CALD1: variants seen among roughly 807,000 people sequenced by gnomAD.
CALD1 encodes caldesmon.
Under a neutral mutation model 99.9 loss-of-function variants are expected in CALD1, and 33 were observed. The observed-to-expected ratio is 0.33, with a 90% confidence interval of 0.25 to 0.44. The LOEUF (loss-of-function observed/expected upper bound fraction) is 0.44. Among genes scored for constraint, CALD1 ranks in the 20% least tolerant of loss-of-function variants. CALD1 has a pLI of 1.00. For synonymous variants in CALD1, 310 were observed against 325.0 expected (o/e 0.95, Z 0.50); for missense variants, 861 against 962.1 (o/e 0.89, Z 1.39).
chr7:134,901,759 C>T (rs1178942967), intron 3 of CALD1, among the ~76,000 whole-genome samples: 1 of 151,778 alleles, frequency 6.6e-6, no homozygotes, highest in East Asian at 1.9e-4. Flanking sequence ...CTTAGGCCAT[C>T]GTAACTCCAG....
chr7:134,760,523 A>G (rs1263794602), intron 1 of CALD1, among the ~76,000 whole-genome samples: 3 of 152,258 alleles, frequency 2.0e-5, no homozygotes, highest in East Asian at 1.9e-4. Context: ...AGTTTTTCCT[A>G]TTACAGTATC....
the CALD1 span, among the ~76,000 whole-genome samples, chr7:134,719,914 G>A: frequency 7.2e-5 from 11 of 152,278 alleles, no homozygotes; most frequent in Non-Finnish European, 1.3e-4. Context: ...AAAGATGCCC[G>A]CAGTGAGTGT....
intron 3 of CALD1, among the ~76,000 whole-genome samples, chr7:134,871,223 G>A (rs1206393471): frequency 2.0e-5 from 3 of 152,038 alleles, no homozygotes; most frequent in Middle Eastern, 3.2e-3. Flanking sequence ...TAAAAATGAA[G>A]GCAATTTTCT....
intron 1 of CALD1, among the ~76,000 whole-genome samples, chr7:134,749,585 C>T (rs1365173122): frequency 6.6e-6 from 1 of 152,128 alleles, no homozygotes; most frequent in Non-Finnish European, 1.5e-5. Flanking sequence ...TACACTCCAG[C>T]CTGAGCAAAA....
At chr7:134,965,737 A>G (rs1172960185) in intron 14 of CALD1, among the ~76,000 whole-genome samples, 1 of 152,076 alleles carries the variant, frequency 6.6e-6, no homozygotes, top group African/African-American at 2.4e-5. Context: ...CACTTGGGGA[A>G]AACATCTGTC....
chr7:134,944,764 C>G (rs1051009230), intron 7 of CALD1, among the ~76,000 whole-genome samples: 1 of 152,094 alleles, frequency 6.6e-6, no homozygotes, highest in Admixed American at 6.5e-5. Context: ...ATTTAAATGG[C>G]AAAGCTGTAT....
At chr7:134,728,344 G>A in the CALD1 span, among the ~76,000 whole-genome samples, 36 of 152,280 alleles carry the variant, frequency 2.4e-4, no homozygotes, top group African/African-American at 8.4e-4. Context: ...AAGATTTATG[G>A]ACAGAAAAAG....
intron 3 of CALD1, among the ~76,000 whole-genome samples, chr7:134,890,797 C>T (rs1042540205): frequency 2.6e-5 from 4 of 152,212 alleles, no homozygotes; most frequent in African/African-American, 4.8e-5. Flanking sequence ...TCAACATGTT[C>T]TCAGGAGGGC....
intron 4 of CALD1, among the ~76,000 whole-genome samples, 197 bp downstream of exon 4, chr7:134,929,097 T>C (rs2132910618): frequency 6.6e-6 from 1 of 152,328 alleles, no homozygotes; most frequent in Middle Eastern, 3.4e-3. Flanking sequence ...GGACACACTA[T>C]TCTATTTCTC....
the CALD1 span, among the ~76,000 whole-genome samples, chr7:134,714,971 C>G: frequency 6.6e-6 from 1 of 152,162 alleles, no homozygotes; most frequent in Non-Finnish European, 1.5e-5. Context: ...TACCTCAATA[C>G]CAGCTGTGGT....
intron 3 of CALD1, chr7:134,891,564 C>A: frequency 6.4e-7 from 1 of 1,568,680 alleles, no homozygotes; most frequent in Admixed American, 1.9e-5. Flanking sequence ...CCCTGACCGC[C>A]CGGCCTGGCC....
At chr7:134,952,819 C>A (rs1402246129) in intron 9 of CALD1, among the ~76,000 whole-genome samples, 3 of 152,150 alleles carry the variant, frequency 2.0e-5, no homozygotes, top group Non-Finnish European at 2.9e-5. Flanking sequence ...TGATACCTCC[C>A]AAATAAATTA....
chr7:134,869,210 G>C (rs528133808), intron 3 of CALD1, among the ~76,000 whole-genome samples: 1 of 152,104 alleles, frequency 6.6e-6, no homozygotes, highest in Non-Finnish European at 1.5e-5. Context: ...AACGGAGCCT[G>C]TCTAGGTGAA....
intron 14 of CALD1, among the ~76,000 whole-genome samples, chr7:134,967,834 G>A (rs1257560850): frequency 6.6e-6 from 1 of 152,128 alleles, no homozygotes; most frequent in Non-Finnish European, 1.5e-5. Flanking sequence ...AAAATCAGCA[G>A]AAGGAAGGCT....
At position 134,941,129 on chromosome 7, in the gene CALD1, A is replaced by G. The variant is rs144741094; in HGVS notation, c.1424A>G (p.Lys475Arg). 3.2e-4 allele frequency: 520 copies of G among 1,612,450 alleles called. No homozygotes were observed. The highest frequency in any genetic ancestry group is 4.1e-4 in the Non-Finnish European group (486 of 1,179,262). ...DEKIKKDKEP[K>R]EEVKSFMDRK... is the part of the protein sequence containing the mutation. Reference sequence around the variant, plus strand: ...AAGATTAAAAAGGACAAAGAACCCAAAGAAGAAGTTAAGAGCTTCATGGAT... The same window carrying G: ...AAGATTAAAAAGGACAAAGAACCCAGAGAAGAAGTTAAGAGCTTCATGGAT... Residue 475 changes from lysine to arginine, a missense_variant, in exon 7 of 15, where the codon AAA (lysine) becomes AGA (arginine). Around this residue, in one of 5 missense-constraint regions of CALD1, gnomAD observed 293 missense variants for 262.7 expected, o/e 1.12. Coordinates refer to ENST00000361675, the MANE Select transcript of CALD1 (RefSeq NM_033138.4).
intron 1 of CALD1, among the ~76,000 whole-genome samples, chr7:134,747,872 G>A (rs1464393668): frequency 1.3e-5 from 2 of 152,242 alleles, no homozygotes; most frequent in Non-Finnish European, 2.9e-5. Flanking sequence ...TGCGAGTGGG[G>A]ACACCACAGA....
chr7:134,868,376 A>G (rs1167382435), intron 3 of CALD1: 1 of 152,218 alleles, frequency 6.6e-6, no homozygotes, highest in Non-Finnish European at 1.5e-5. Context: ...AGTGGTGGCT[A>G]TGAGGTCAAA....
Position 134,932,768 on chromosome 7 carries a change from C to T in CALD1, c.219-220C>T, listed in dbSNP as rs535133395. ...CCAGGGGACATTAATACCGAAAGCACTTCTGGCATGTTGAGTAGACTCCAG... is the reference window on the plus strand; with the variant it reads ...CCAGGGGACATTAATACCGAAAGCATTTCTGGCATGTTGAGTAGACTCCAG... On this transcript the variant is annotated intron_variant, in intron 4 of 14. Transcript: ENST00000361675. 8.9e-4 allele frequency among the ~76,000 whole-genome samples: 136 copies of T among 152,184 alleles called. 3 individuals carry two copies. Among genetic ancestry groups the T allele is most frequent in the Non-Finnish European group, 1.9e-4 (13 of 68,040 alleles).
intron 3 of CALD1, among the ~76,000 whole-genome samples, chr7:134,880,598 T>A (rs964614370): frequency 6.6e-6 from 1 of 152,106 alleles, no homozygotes; most frequent in Non-Finnish European, 1.5e-5. Context: ...GTTTCTCTCA[T>A]CAAAACTGTT....
Sources: gnomAD v4.1 joint callset for allele counts (sites outside exome capture counted in the v4.1 genomes callset) on GRCh38, gnomAD v4.1.1 for gene constraint, gnomAD v4.1.1 regional missense constraint, MANE v1.5 for transcripts, NCBI Gene and HGNC (gene_info 2026-07-23, HGNC 2026-07-21) for gene names.